The following MBNL1 variants were observed in gnomAD, a reference collection of about 807,000 sequenced individuals.
MBNL1 encodes muscleblind-like protein 1.
Under a neutral mutation model 42.2 loss-of-function variants are expected in MBNL1, and 8 were observed. The observed-to-expected ratio is 0.19, with a 90% CI of 0.11 to 0.34. MBNL1 has a LOEUF of 0.34. Ranked by LOEUF, MBNL1 falls within the 10% of genes least tolerant of loss-of-function variation. The probability of loss-of-function intolerance (pLI) is 1.00; values close to 1 mark genes in which losing one functional copy is unlikely to be tolerated. For synonymous variants in MBNL1, 169 were observed against 173.9 expected (o/e 0.97, Z 0.22); for missense variants, 309 against 495.3 (o/e 0.62, Z 3.57).
intron 2 of MBNL1, among the ~76,000 whole-genome samples, chr3:152,409,506 C>A (rs1273584468): frequency 1.3e-5 from 2 of 151,680 alleles, no homozygotes; most frequent in Non-Finnish European, 2.9e-5. Flanking sequence ...AGCTAACTAC[C>A]AAACTTGTTA....
intron 2 of MBNL1, among the ~76,000 whole-genome samples, chr3:152,335,838 T>C (rs1044859862): frequency 6.6e-6 from 1 of 152,182 alleles, no homozygotes; most frequent in African/African-American, 2.4e-5. Context: ...GAGCTATGTT[T>C]GGGAACTTAC....
intron 2 of MBNL1, among the ~76,000 whole-genome samples, chr3:152,339,402 CTTAAG>C (rs1314876002): frequency 1.3e-5 from 2 of 151,964 alleles, no homozygotes; most frequent in Non-Finnish European, 2.9e-5. Context: ...TCAGCAGCAT[CTTAAG>C]TTAACAATAC....
At chr3:152,309,185 A>G (rs886649115) in intron 2 of MBNL1, among the ~76,000 whole-genome samples, 13 of 152,158 alleles carry the variant, frequency 8.5e-5, no homozygotes, top group African/African-American at 3.1e-4. Context: ...TGACATCACA[A>G]GTGGGAATAA....
At chr3:152,409,934 T>G (rs891378374) in intron 2 of MBNL1, among the ~76,000 whole-genome samples, 1 of 152,208 alleles carries the variant, frequency 6.6e-6, no homozygotes, top group African/African-American at 2.4e-5. Flanking sequence ...AACCAACTTC[T>G]AATCGTTTTG....
chr3:152,330,089 A>G (rs2083326742), intron 2 of MBNL1, among the ~76,000 whole-genome samples: 1 of 152,114 alleles, frequency 6.6e-6, no homozygotes, highest in Admixed American at 6.5e-5. Context: ...TACTGACGTT[A>G]TTAGGGACAT....
chr3:152,334,436 C>T (rs1204892010), intron 2 of MBNL1, among the ~76,000 whole-genome samples: 1 of 152,072 alleles, frequency 6.6e-6, no homozygotes, highest in Non-Finnish European at 1.5e-5. Context: ...CACATTGTAG[C>T]CACTGGTTAA....
At chr3:152,443,185 C>A (rs1041957914) in intron 4 of MBNL1, among the ~76,000 whole-genome samples, 11 of 145,896 alleles carry the variant, frequency 7.5e-5, no homozygotes, top group Admixed American at 2.0e-4. Flanking sequence ...TAGAAACCCC[C>A]CCCCCCACAC....
intron 2 of MBNL1, among the ~76,000 whole-genome samples, chr3:152,406,777 C>T (rs1283838269): frequency 1.3e-5 from 2 of 152,054 alleles, no homozygotes; most frequent in East Asian, 1.9e-4. Flanking sequence ...CACCATTAAA[C>T]TTAGGAGTGT....
At chr3:152,329,343 C>T (rs892207027) in intron 2 of MBNL1, among the ~76,000 whole-genome samples, 9 of 152,000 alleles carry the variant, frequency 5.9e-5, no homozygotes, top group South Asian at 4.1e-4. Context: ...GAATTGGTTT[C>T]GGTCAGACAG....
At chr3:152,363,923 A>G (rs972032211) in intron 2 of MBNL1, among the ~76,000 whole-genome samples, 2 of 152,086 alleles carry the variant, frequency 1.3e-5, no homozygotes, top group Non-Finnish European at 2.9e-5. Flanking sequence ...TCCTCTTCAC[A>G]TTCTACGCTT....
Position 152,394,687 on chromosome 3 carries a change from C to G in MBNL1, c.175-20254C>G, listed in dbSNP as rs146903002. On this transcript the variant is annotated intron_variant, in intron 2 of 9. Transcript: ENST00000324210. ...GCAGGAATTAGTTGATAAATAAACA[C>G]ATAAATAAGCAACATAATTACAGGC... Among the ~76,000 whole-genome samples the G allele has an allele frequency of 2.9e-3, 444 of 152,204 alleles. 3 individuals are homozygous for G. The highest frequency in any genetic ancestry group is 8.9e-3 in the South Asian group (43 of 4,822).
intron 1 of MBNL1, among the ~76,000 whole-genome samples, chr3:152,271,105 G>T (rs1051900222): frequency 1.3e-5 from 2 of 151,890 alleles, no homozygotes; most frequent in African/African-American, 4.8e-5. Flanking sequence ...GGTACTCTGC[G>T]CAGTCATGCC....
At chr3:152,315,953 C>T (rs1288473081) in intron 2 of MBNL1, among the ~76,000 whole-genome samples, 1 of 151,994 alleles carries the variant, frequency 6.6e-6, no homozygotes, top group African/African-American at 2.4e-5. Flanking sequence ...AATATTAAAT[C>T]AGGAAGAATT....
At chr3:152,400,147 G>T (rs972928703) in intron 2 of MBNL1, among the ~76,000 whole-genome samples, 1 of 152,188 alleles carries the variant, frequency 6.6e-6, no homozygotes, top group Admixed American at 6.5e-5. Context: ...ACATATTATT[G>T]TGAGAGTTAA....
At chr3:152,358,248 T>A (rs1181679744) in intron 2 of MBNL1, among the ~76,000 whole-genome samples, 9 of 152,224 alleles carry the variant, frequency 5.9e-5, no homozygotes, top group Non-Finnish European at 1.3e-4. Context: ...TAAAAGTTTA[T>A]TCACTTCTTA....
At chr3:152,379,887 A>G (rs2097105710) in intron 2 of MBNL1, among the ~76,000 whole-genome samples, 1 of 152,084 alleles carries the variant, frequency 6.6e-6, no homozygotes, top group African/African-American at 2.4e-5. Flanking sequence ...GATGGAGGCT[A>G]TTTATATAGG....
At chr3:152,248,552 G>A (rs1251978600) in intron 2 of MBNL1, among the ~76,000 whole-genome samples, 1 of 150,854 alleles carries the variant, frequency 6.6e-6, no homozygotes, top group African/African-American at 2.4e-5. Context: ...CACATAACAA[G>A]GGCTTTCAGT....
intron 2 of MBNL1, among the ~76,000 whole-genome samples, chr3:152,370,116 C>CT (rs1012842671): frequency 3.3e-5 from 5 of 152,058 alleles, no homozygotes; most frequent in African/African-American, 1.2e-4. Context: ...GATTTTTTAT[C>CT]TTTCCTGCTT....
At position 152,300,108 on chromosome 3, in the gene MBNL1, C is replaced by CT. The variant is rs368507124; in HGVS notation, c.-75dup. The CT allele has an allele frequency of 0.03, 19,367 of 638,104 alleles. 1 individual carries two copies. Among genetic ancestry groups the CT allele is most frequent in the South Asian group, 0.041 (1,658 of 40,212 alleles). 39.5% of individuals were successfully genotyped at this position (638,104 alleles called of 1,614,324 possible). On this transcript the variant is annotated 5_prime_UTR_variant, in exon 2 of 10. Transcript: ENST00000324210. ...GGGGACATTTTCATCATCAGTTCAG[C>CT]TTTTTTTTTTTGGTTGTTGCTCTTT...
Sources: gnomAD v4.1 joint callset for allele counts (sites outside exome capture counted in the v4.1 genomes callset) on GRCh38, gnomAD v4.1.1 for gene constraint, MANE v1.5 for transcripts, NCBI Gene and HGNC (gene_info 2026-07-23, HGNC 2026-07-21) for gene names.